The following CCSER1 variants were observed in gnomAD, a reference collection of about 807,000 sequenced individuals.
CCSER1 encodes serine-rich coiled-coil domain-containing protein 1.
In CCSER1, 41 loss-of-function variants were observed where a neutral mutation model predicts 82.0. That is an observed-to-expected ratio of 0.50 (90% CI 0.39 to 0.65). The LOEUF (loss-of-function observed/expected upper bound fraction) is 0.65. Among genes scored for constraint, CCSER1 ranks in the 30% least tolerant of loss-of-function variants. The pLI is 0.00. For missense variants in CCSER1, 1,119 were observed against 1,064.2 expected (o/e 1.05, Z -0.72); for synonymous variants, 414 against 383.9 (o/e 1.08, Z -0.92).
chr4:91,296,625 T>TTA (rs1385104290), intron 10 of CCSER1, among the ~76,000 whole-genome samples: 8 of 149,150 alleles, frequency 5.4e-5, no homozygotes, highest in African/African-American at 2.0e-4. Context: ...GTATATATAG[T>TTA]TGTGTGTATA....
chr4:91,349,615 A>G (rs1437253565), intron 10 of CCSER1, among the ~76,000 whole-genome samples: 2 of 152,110 alleles, frequency 1.3e-5, no homozygotes, highest in Admixed American at 6.5e-5. Flanking sequence ...AAACCCCAGT[A>G]GGTAAGGCTG....
rs142070235 is a variant in CCSER1, at chr4:91,418,303, T to TAAAAAAAAAAA, written c.2218-180265_2218-180255dup. On this transcript the variant is annotated intron_variant, in intron 10 of 10. Transcript: ENST00000509176. Reference sequence around the variant, plus strand: ...CAACAAAATTCAGAGATTTTTTAATTAAAAAAAAAAAAAACAAAATTGACA... The same window carrying TAAAAAAAAAAA: ...CAACAAAATTCAGAGATTTTTTAATTAAAAAAAAAAAAAAAAAAAAAAAAACAAAATTGACA... 1.1e-4 allele frequency among the ~76,000 whole-genome samples: 13 copies of TAAAAAAAAAAA among 113,616 alleles called. No homozygotes were observed. The East Asian group carries it at 1.6e-3, about 14-fold the overall frequency. 74.5% of individuals were successfully genotyped at this position (113,616 alleles called of 152,430 possible).
rs866334592 is a variant in CCSER1, at chr4:90,932,949, A to G, written c.2172+9502A>G. Among the ~76,000 whole-genome samples, 7 of 39,330 alleles carry G rather than the reference A, an allele frequency of 1.8e-4. 3 individuals are homozygous for G. Among genetic ancestry groups the G allele is most frequent in the African/African-American group, 2.3e-4 (1 of 4,408 alleles). The allele number at this position is 39,330 out of a possible 152,430, so 25.8% of individuals were successfully genotyped here. On this transcript the variant is annotated intron_variant, in intron 9 of 10. Transcript: ENST00000509176. ...AAGAAAGAAAGAAAGAAAGAAAGAA[A>G]GAAAGAAAGAAAGAAAGAAAGAAAG...
At chr4:91,468,510 A>G in intron 10 of CCSER1, among the ~76,000 whole-genome samples, 1 of 152,228 alleles carries the variant, frequency 6.6e-6, no homozygotes. Context: ...AATTAAAAAA[A>G]AAAGGAAAAA....
chr4:91,068,690 T>G (rs1271917074), intron 9 of CCSER1, among the ~76,000 whole-genome samples: 1 of 152,152 alleles, frequency 6.6e-6, no homozygotes, highest in Non-Finnish European at 1.5e-5. Flanking sequence ...GGTGAAATAA[T>G]GCACGCGTAG....
intron 9 of CCSER1, among the ~76,000 whole-genome samples, chr4:90,973,188 G>T (rs79159744): frequency 0.033 from 4,964 of 151,702 alleles, 265 homozygotes; most frequent in African/African-American, 0.1. Flanking sequence ...CAAAAAGTTT[G>T]TGTACTAGCA....
chr4:90,886,342 T>C lies in CCSER1; in HGVS notation c.2095-37028T>C, dbSNP rs139685268. ...GCATCAGGTTCTGATTCAGCTTCAG[T>C]CTTTTCTTATCATGGAAAAAAAATC... is the stretch of plus-strand genomic sequence containing the variant. On this transcript the variant is annotated intron_variant, in intron 8 of 10. Coordinates refer to ENST00000509176, the MANE Select transcript of CCSER1 (RefSeq NM_001145065.2). Among the ~76,000 whole-genome samples, 604 of 152,290 alleles carry C rather than the reference T, an allele frequency of 4.0e-3. 2 individuals are homozygous for C. Among genetic ancestry groups the C allele is most frequent in the Non-Finnish European group, 5.3e-3 (363 of 68,022 alleles).
At position 91,459,212 on chromosome 4, in the gene CCSER1, T is replaced by A. The variant is rs189001852; in HGVS notation, c.2218-139360T>A. ...ATGAGCTGTTAGAATTGTATTTATT[T>A]TTATTATTTAGTTATTTGTTGATAA... On this transcript the variant is annotated intron_variant, in intron 10 of 10. Coordinates refer to ENST00000509176, the MANE Select transcript of CCSER1 (RefSeq NM_001145065.2). Among the ~76,000 whole-genome samples the A allele has an allele frequency of 1.3e-3, 192 of 152,244 alleles. 3 individuals carry two copies. The highest frequency in any genetic ancestry group is 1.0e-4 in the Non-Finnish European group (7 of 68,014).
intron 10 of CCSER1, among the ~76,000 whole-genome samples, chr4:91,576,453 A>T (rs1412660257): frequency 6.6e-6 from 1 of 152,018 alleles, no homozygotes; most frequent in East Asian, 1.9e-4. Context: ...TTCAGTTATG[A>T]GTAAATTCTG....
At chr4:90,141,139 G>C (rs1398303994) in intron 1 of CCSER1, among the ~76,000 whole-genome samples, 2 of 151,988 alleles carry the variant, frequency 1.3e-5, no homozygotes, top group African/African-American at 4.8e-5. Flanking sequence ...CGACTGGAAG[G>C]CTGGAAACTC....
chr4:90,377,036 G>A (rs956422690), intron 3 of CCSER1, among the ~76,000 whole-genome samples: 3 of 152,048 alleles, frequency 2.0e-5, no homozygotes, highest in African/African-American at 7.2e-5. Context: ...CTAGTTCTTC[G>A]TGTTTACCTG....
chr4:90,442,798 G>A lies in CCSER1; in HGVS notation c.1604-25436G>A, dbSNP rs534561949. 4.6e-5 allele frequency among the ~76,000 whole-genome samples: 7 copies of A among 152,234 alleles called. No individual in the cohort carries two copies. In the South Asian group the frequency reaches 1.5e-3, roughly 32 times the overall value. ...AGAAGCAAACAGTGAATTATTTATT[G>A]GCAAGTAATTTTATCCTCCTGGGAG... On this transcript the variant is annotated intron_variant, in intron 4 of 10. Coordinates refer to ENST00000509176, the MANE Select transcript of CCSER1 (RefSeq NM_001145065.2).
chr4:90,959,308 C>A (rs954962814), intron 9 of CCSER1, among the ~76,000 whole-genome samples: 3 of 152,124 alleles, frequency 2.0e-5, no homozygotes, highest in Non-Finnish European at 2.9e-5. Flanking sequence ...GTCAATAATA[C>A]GGGTTAATCA....
At chr4:90,885,692 C>T (rs1722021075) in intron 8 of CCSER1, among the ~76,000 whole-genome samples, 2 of 152,012 alleles carry the variant, frequency 1.3e-5, no homozygotes, top group Non-Finnish European at 2.9e-5. Context: ...AAAATATGAT[C>T]AGTGCTAAAA....
chr4:90,574,301 G>A (rs1239098803), intron 5 of CCSER1, among the ~76,000 whole-genome samples: 5 of 114,926 alleles, frequency 4.4e-5, no homozygotes, highest in African/African-American at 1.4e-4. Flanking sequence ...TCGCTCTGTC[G>A]CACAGGCTGG....
intron 9 of CCSER1, among the ~76,000 whole-genome samples, chr4:90,996,717 A>G (rs1272268224): frequency 6.6e-6 from 1 of 152,036 alleles, no homozygotes; most frequent in African/African-American, 2.4e-5. Context: ...TCCATTCTAA[A>G]TTTTTTTCAT....
chr4:90,271,856 ATATATATTTTTT>A (rs1368679301), intron 1 of CCSER1, among the ~76,000 whole-genome samples: 3 of 26,084 alleles, frequency 1.2e-4, no homozygotes, highest in East Asian at 1.9e-3. Context: ...ATATATATAT[ATATATATTTTTT>A]TTTTTTTTTT....
intron 4 of CCSER1, among the ~76,000 whole-genome samples, chr4:90,413,819 G>A (rs1031205550): frequency 8.7e-5 from 13 of 149,260 alleles, no homozygotes; most frequent in East Asian, 2.0e-4. Flanking sequence ...CGTAGTGGCG[G>A]GCGCCTGTAG....
intron 5 of CCSER1, among the ~76,000 whole-genome samples, chr4:90,557,051 T>C (rs1001273031): frequency 5.3e-5 from 8 of 151,952 alleles, no homozygotes; most frequent in African/African-American, 1.9e-4. Context: ...TATGCTCTGT[T>C]TATTTTCTTT....
Sources: allele counts gnomAD v4.1 joint callset (sites outside exome capture counted in the v4.1 genomes callset), GRCh38; gene constraint gnomAD v4.1.1; transcripts MANE v1.5; gene names NCBI Gene and HGNC (gene_info 2026-07-23, HGNC 2026-07-21).